Variants in TUFT1 observed in about 807,000 individuals in gnomAD.
TUFT1 encodes the protein tuftelin 1.
A neutral mutation model predicts 57.8 loss-of-function variants in TUFT1; 43 were observed. The observed-to-expected ratio is 0.74, with a 90% CI of 0.58 to 0.96. The LOEUF (loss-of-function observed/expected upper bound fraction) is 0.96. TUFT1 is among the 40% of genes least tolerant of loss of function. TUFT1 has a pLI of 0.00. For synonymous variants in TUFT1, 166 were observed against 176.7 expected (o/e 0.94, Z 0.48); for missense variants, 459 against 489.0 (o/e 0.94, Z 0.58).
At chr1:151,543,507 A>G (rs978055203) in intron 1 of TUFT1, among the ~76,000 whole-genome samples, 1 of 152,156 alleles carries the variant, frequency 6.6e-6, no homozygotes, top group Non-Finnish European at 1.5e-5. Flanking sequence ...TATTTCCATT[A>G]ACTTCCTTTG....
rs1666203369 is a variant in TUFT1 at position 151,569,899 on chromosome 1, AAGCCT to A, written c.594+130_594+134del. 11 of 760,700 alleles carry A rather than the reference AAGCCT, an allele frequency of 1.4e-5. No homozygotes were observed. In the South Asian group the frequency reaches 1.7e-4, roughly 12 times the overall value. 47.1% of individuals were successfully genotyped at this position (760,700 alleles called of 1,614,324 possible). A position where few individuals can be genotyped will look rare whatever the true frequency, so the allele number is the denominator to read the frequency against. On this transcript the variant is annotated intron_variant, in intron 7 of 12. Coordinates refer to ENST00000368849, the MANE Select transcript of TUFT1 (RefSeq NM_020127.3). ...CACAAACTGGAAAGGCAAGGCTGTG[AAGCCT>A]GGAACGCTTGTCTGCTTTTCCCTCT...
chr1:151,545,830 G>A, intron 1 of TUFT1: 1 of 533,904 alleles, frequency 1.9e-6, no homozygotes, highest in Non-Finnish European at 3.9e-6. Flanking sequence ...GACTCAGCCA[G>A]TACTGGTCTT....
At chr1:151,566,314 C>G (rs1187813254) in intron 6 of TUFT1, 86 bp downstream of exon 6, 2 of 969,524 alleles carry the variant, frequency 2.1e-6, no homozygotes, top group African/African-American at 1.6e-5. Context: ...TGCTTTCTCT[C>G]TCTCTCTCTC....
At chr1:151,564,220 C>G (rs980039014) in intron 4 of TUFT1, among the ~76,000 whole-genome samples, 7 of 152,144 alleles carry the variant, frequency 4.6e-5, no homozygotes, top group South Asian at 2.1e-4. Context: ...AGCCACCTAT[C>G]GAAAATTACC....
chr1:151,546,003 C>CTTT lies in TUFT1; in HGVS notation c.60+5589_60+5591dup, dbSNP rs34362343. The CTTT allele has an allele frequency of 1.8e-3, 373 of 203,318 alleles. 1 individual carries two copies. The highest frequency in any genetic ancestry group is 9.7e-3 in the African/African-American group (348 of 36,050). The allele number at this position is 203,318 out of a possible 1,614,324, so 12.6% of individuals were successfully genotyped here. ...TTCTTTCGAATATTTGCATTTTTTT[C>CTTT]TTTTTTTTTTTTTTCTACAGCATCT... On this transcript the variant is annotated intron_variant, in intron 1 of 12. Coordinates refer to ENST00000368849, the MANE Select transcript of TUFT1 (RefSeq NM_020127.3).
chr1:151,557,787 A>G, intron 1 of TUFT1: 1 of 760,562 alleles, frequency 1.3e-6, no homozygotes, highest in Non-Finnish European at 2.4e-6. Flanking sequence ...GCGACCTGCA[A>G]GACTCACAAG....
intron 1 of TUFT1, chr1:151,561,823 A>C: frequency 6.9e-7 from 1 of 1,444,776 alleles, no homozygotes; most frequent in South Asian, 1.2e-5. Context: ...GAACCAGGGT[A>C]GCCCTGCTGG....
chr1:151,561,037 A>G (rs1665871490), intron 1 of TUFT1, among the ~76,000 whole-genome samples: 1 of 149,950 alleles, frequency 6.7e-6, no homozygotes, highest in African/African-American at 2.5e-5. Flanking sequence ...TCTGTCACCC[A>G]GGCTGGAGTG....
chr1:151,558,018 G>A, intron 1 of TUFT1: 1 of 427,960 alleles, frequency 2.3e-6, no homozygotes. Context: ...CCTAAGAGGG[G>A]AAGGAAATCT....
At chr1:151,547,424 A>G (rs1161810713) in intron 1 of TUFT1, among the ~76,000 whole-genome samples, 1 of 152,188 alleles carries the variant, frequency 6.6e-6, no homozygotes, top group African/African-American at 2.4e-5. Context: ...CTTTGGGTCA[A>G]GGTGCAGAGG....
chr1:151,550,320 A>G (rs1665469460), intron 1 of TUFT1, among the ~76,000 whole-genome samples: 1 of 152,138 alleles, frequency 6.6e-6, no homozygotes, highest in Non-Finnish European at 1.5e-5. Context: ...GGCGTGAGCC[A>G]CTGTGCCTGG....
At position 151,540,497 on chromosome 1, in the gene TUFT1, C is replaced by T. The variant is rs1242149690; in HGVS notation, c.60+71C>T. 3 of 1,579,210 alleles carry T rather than the reference C, an allele frequency of 1.9e-6. No homozygotes were observed. The Admixed American group carries it at 5.0e-5, about 27-fold the overall frequency. ...TTTCTAAGTCCGCCCCTTCCGTGCC[C>T]CGCGCCGTGTTGGCTGACATCACCT... is the stretch of plus-strand genomic sequence containing the variant. On this transcript the variant is annotated intron_variant, in intron 1 of 12. Transcript: ENST00000368849.
intron 4 of TUFT1, 115 bp from the exon 5 acceptor site, chr1:151,564,410 C>A: frequency 1.4e-6 from 1 of 734,138 alleles, no homozygotes; most frequent in Non-Finnish European, 2.4e-6. Context: ...TGCAGCCAGT[C>A]GTTAGGACAG....
At position 151,579,639 on chromosome 1, in the gene TUFT1, AC is replaced by A; in HGVS notation, c.925-8del. ...CAAAATGAGCTCCAGTGTCTCCCAC[AC>A]CTTTGCAGCTCCAGAATTCAAAAGC... On this transcript the variant is annotated splice_polypyrimidine_tract_variant and intron_variant, in intron 10 of 12. Transcript: ENST00000368849. 3 of 1,613,756 alleles carry A rather than the reference AC, an allele frequency of 1.9e-6. No homozygotes were observed. The highest frequency in any genetic ancestry group is 2.5e-6 in the Non-Finnish European group (3 of 1,179,838).
At position 151,581,744 on chromosome 1, in the gene TUFT1, C is replaced by T. The variant is rs766362881; in HGVS notation, c.*37C>T. On this transcript the variant is annotated 3_prime_UTR_variant, in exon 13 of 13. Coordinates refer to ENST00000368849, the MANE Select transcript of TUFT1 (RefSeq NM_020127.3). ...ATGGTTGCTGCCATTGCTGCTGCCT[C>T]TGCCTCGGAGAAGCCCACTGCCCCT... The T allele has an allele frequency of 7.4e-6, 12 of 1,611,812 alleles. 1 individual carries two copies. In the South Asian group the frequency reaches 1.1e-4, roughly 15 times the overall value.
chr1:151,563,823 A>T, intron 3 of TUFT1, 81 bp from the exon 4 acceptor site: 1 of 1,216,228 alleles, frequency 8.2e-7, no homozygotes, highest in Admixed American at 1.8e-5. Context: ...TTACCCTCCC[A>T]CCAGCACTAT....
At chr1:151,544,014 A>C (rs1201068749) in intron 1 of TUFT1, among the ~76,000 whole-genome samples, 3 of 139,422 alleles carry the variant, frequency 2.2e-5, no homozygotes, top group Non-Finnish European at 3.0e-5. Flanking sequence ...ACAGGGTCTC[A>C]CTCTGTTGCC....
At chr1:151,547,497 C>T (rs1053780722) in intron 1 of TUFT1, among the ~76,000 whole-genome samples, 6 of 152,072 alleles carry the variant, frequency 3.9e-5, no homozygotes, top group Admixed American at 3.3e-4. Flanking sequence ...AGGTATGTGC[C>T]AGGAAGGCTG....
At chr1:151,568,901 C>T (rs368304255) in intron 6 of TUFT1, among the ~76,000 whole-genome samples, 4 of 152,262 alleles carry the variant, frequency 2.6e-5, no homozygotes, top group South Asian at 4.2e-4. Flanking sequence ...GAAATGAAGG[C>T]CCACAGGACT....
Sources: gnomAD v4.1 joint callset for allele counts (sites outside exome capture counted in the v4.1 genomes callset) on GRCh38, gnomAD v4.1.1 for gene constraint, MANE v1.5 for transcripts, NCBI Gene and HGNC (gene_info 2026-07-23, HGNC 2026-07-21) for gene names.